Variants in PAPPA observed in about 807,000 individuals in gnomAD.
PAPPA encodes pappalysin 1.
A neutral mutation model predicts 164.0 loss-of-function variants in PAPPA; 60 were observed. The ratio of observed to expected loss-of-function variants is 0.37; its 90% CI spans 0.30 to 0.45. The LOEUF (loss-of-function observed/expected upper bound fraction) is 0.45. PAPPA is among the 20% of genes least tolerant of loss of function. The pLI is 1.00. For missense variants in PAPPA, 1,782 were observed against 2,087.3 expected (o/e 0.85, Z 2.85); for synonymous variants, 875 against 814.1 (o/e 1.07, Z -1.27).
chr9:116,396,664 C>G lies in PAPPA; in HGVS notation c.*48C>G, dbSNP rs370396088. ...GAATTCCCAACGCCAGGACCCACAT[C>G]CCTTTGGTATTGATTTCACAGTCAG... On this transcript the variant is annotated 3_prime_UTR_variant, in exon 22 of 22. Coordinates refer to ENST00000328252, the MANE Select transcript of PAPPA (RefSeq NM_002581.5). The G allele has an allele frequency of 4.1e-5, 32 of 771,138 alleles. No homozygotes were observed. The African/African-American group carries it at 5.1e-4, about 12-fold the overall frequency. The allele number at this position is 771,138 out of a possible 1,614,324, so 47.8% of individuals were successfully genotyped here.
intron 12 of PAPPA, chr9:116,332,910 G>C: frequency 6.4e-6 from 1 of 156,850 alleles, no homozygotes; most frequent in Middle Eastern, 3.3e-3. Context: ...ATAACCGGGA[G>C]TGTTCATGAC....
rs1386837997 is a variant in PAPPA at position 116,187,936 on chromosome 9, G to C, written c.1198G>C (p.Val400Leu). 6.2e-7 allele frequency: 1 copy of C among 1,614,056 alleles called. No homozygotes were observed. Among genetic ancestry groups the C allele is most frequent in the African/African-American group, 1.3e-5 (1 of 74,934 alleles). The part of the protein sequence containing the change: ...NISWELDVLE[V>L]SNSSLRRRLI... ...CTCCTGGGAGCTGGACGTGCTGGAG[G>C]TGAGCAACTCCTCCCTTCGCCGCCG... Residue 400 changes from valine to leucine, a missense_variant, in exon 2 of 22, where the codon GTG (valine) becomes CTG (leucine). By Grantham distance (32) the Val-to-Leu change is conservative. This residue lies in a region of PAPPA where 1,324 missense variants were observed against 1,656.9 expected (regional missense o/e 0.80). Coordinates refer to ENST00000328252, the MANE Select transcript of PAPPA (RefSeq NM_002581.5). This position sits in a 1 kb window ranked among gnomAD's most constrained non-coding sequence, Gnocchi z 4.2.
intron 7 of PAPPA, among the ~76,000 whole-genome samples, chr9:116,255,765 G>A (rs994172587): frequency 6.6e-6 from 1 of 151,850 alleles, no homozygotes; most frequent in Non-Finnish European, 1.5e-5. Context: ...CCCCTGAAAC[G>A]ACCCCTGAAA....
At chr9:116,246,185 T>C (rs1310078389) in intron 7 of PAPPA, among the ~76,000 whole-genome samples, 1 of 152,176 alleles carries the variant, frequency 6.6e-6, no homozygotes, top group Non-Finnish European at 1.5e-5. Context: ...ACAATGGACC[T>C]GACACACTTC....
chr9:116,183,601 C>A (rs1843933071), intron 1 of PAPPA, among the ~76,000 whole-genome samples: 1 of 152,146 alleles, frequency 6.6e-6, no homozygotes, highest in Admixed American at 6.6e-5. Flanking sequence ...ACCCCATTGC[C>A]ACCATACACC....
At chr9:116,370,859 T>C (rs761710361) in intron 19 of PAPPA, among the ~76,000 whole-genome samples, 5 of 152,234 alleles carry the variant, frequency 3.3e-5, no homozygotes, top group Admixed American at 6.5e-5. Flanking sequence ...TTAGTTACCA[T>C]AGTACCTCCC....
intron 7 of PAPPA, among the ~76,000 whole-genome samples, chr9:116,252,263 G>C (rs1445811477): frequency 6.6e-6 from 1 of 152,240 alleles, no homozygotes; most frequent in Non-Finnish European, 1.5e-5. Flanking sequence ...ACCTGTGTGA[G>C]AGGGATGGAC....
In PAPPA at chr9:116,399,171, A is replaced by G. The variant is rs758906388; in HGVS notation, c.*2555A>G. 7 of 154,140 alleles carry G rather than the reference A, an allele frequency of 4.5e-5. No individual in the cohort carries two copies. Among genetic ancestry groups the G allele is most frequent in the Non-Finnish European group, 8.6e-5 (6 of 69,404 alleles). The allele number at this position is 154,140 out of a possible 1,614,324, so 9.5% of individuals were successfully genotyped here. ...TCCCATCATCATCTATTTTCACACT[A>G]TCCAGCTAAGCAAAGATTCCTGGAG... On this transcript the variant is annotated 3_prime_UTR_variant, in exon 22 of 22. Transcript: ENST00000328252.
At chr9:116,318,148 G>A (rs1169759732) in intron 10 of PAPPA, 1 of 152,002 alleles carries the variant, frequency 6.6e-6, no homozygotes, top group Admixed American at 6.6e-5. Flanking sequence ...GAGCCCATTT[G>A]ATATTAAGAT....
At chr9:116,208,274 A>G (rs1270351326) in intron 3 of PAPPA, among the ~76,000 whole-genome samples, 4 of 152,208 alleles carry the variant, frequency 2.6e-5, no homozygotes, top group Admixed American at 6.5e-5. Flanking sequence ...TCCAGGACAC[A>G]TCTATATGTA....
chr9:116,377,536 A>G (rs778603561), intron 19 of PAPPA, 40 bp from the exon 20 acceptor site: 1 of 1,496,598 alleles, frequency 6.7e-7, no homozygotes. Context: ...GTCCCTCCCA[A>G]TCCCAAGCCC....
intron 7 of PAPPA, among the ~76,000 whole-genome samples, chr9:116,249,802 G>T (rs541873360): frequency 1.3e-5 from 2 of 152,130 alleles, no homozygotes; most frequent in African/African-American, 4.8e-5. Context: ...AGCTATAGAG[G>T]CATATTTGGG....
chr9:116,369,250 C>T (rs958328933), intron 19 of PAPPA, among the ~76,000 whole-genome samples: 3 of 152,018 alleles, frequency 2.0e-5, no homozygotes, highest in Non-Finnish European at 4.4e-5. Flanking sequence ...ATTCCTGAAC[C>T]AGAATTCCTG....
intron 10 of PAPPA, among the ~76,000 whole-genome samples, chr9:116,324,834 C>G (rs1253965149): frequency 3.3e-5 from 5 of 152,078 alleles, no homozygotes; most frequent in African/African-American, 4.8e-5. Flanking sequence ...AAGGAAGCAC[C>G]ACTGTATAGA....
At chr9:116,207,382 C>G (rs1844248793) in intron 2 of PAPPA, 74 bp from the exon 3 acceptor site, 8 of 1,279,280 alleles carry the variant, frequency 6.3e-6, no homozygotes, top group Non-Finnish European at 8.6e-6. Flanking sequence ...CTCATAGTAG[C>G]TCTAAATTAT....
intron 3 of PAPPA, 108 bp from the exon 4 acceptor site, chr9:116,211,530 GC>G: frequency 1.1e-6 from 1 of 897,146 alleles, no homozygotes; most frequent in Admixed American, 2.1e-5. Flanking sequence ...GGGTGGAGAA[GC>G]TTGTGTTTAT....
chr9:116,389,864 A>C (rs552273189), intron 21 of PAPPA, among the ~76,000 whole-genome samples: 1 of 151,716 alleles, frequency 6.6e-6, no homozygotes, highest in South Asian at 2.1e-4. Flanking sequence ...CACACACTAT[A>C]AAATATATTT....
chr9:116,177,068 C>G lies in PAPPA; in HGVS notation c.416-10086C>G, dbSNP rs931796420. ...TTCTGAGCTTATTAGAAACAGTTCT[C>G]TCCTTCTTCTTCAATTCTGTCTCAT... On this transcript the variant is annotated intron_variant, in intron 1 of 21. Coordinates refer to ENST00000328252, the MANE Select transcript of PAPPA (RefSeq NM_002581.5). 2.6e-5 allele frequency among the ~76,000 whole-genome samples: 4 copies of G among 151,500 alleles called. 1 individual carries two copies. The South Asian group carries it at 8.4e-4, about 32-fold the overall frequency.
chr9:116,224,407 C>T (rs1027558982), intron 5 of PAPPA, among the ~76,000 whole-genome samples: 4 of 152,334 alleles, frequency 2.6e-5, no homozygotes, highest in African/African-American at 9.6e-5. Flanking sequence ...TGCCTTTGGC[C>T]TCAGTTTTCT....
Sources: allele counts gnomAD v4.1 joint callset (sites outside exome capture counted in the v4.1 genomes callset), GRCh38; gene constraint gnomAD v4.1.1; regional missense constraint gnomAD v4.1.1; non-coding constraint Gnocchi (gnomAD v3.1); transcripts MANE v1.5; gene names NCBI Gene and HGNC (gene_info 2026-07-23, HGNC 2026-07-21).